The following CEP63 variants were observed in gnomAD, a reference collection of about 807,000 sequenced individuals.
CEP63 encodes the protein centrosomal protein of 63 kDa.
CEP63 carries 84 observed loss-of-function variants against 89.1 expected under a neutral mutation model. That is an observed-to-expected ratio of 0.94 (90% confidence interval 0.79 to 1.13). CEP63 has a LOEUF of 1.13. CEP63 is among the 50% of genes most tolerant of loss of function. CEP63 has a pLI of 0.00. For synonymous variants in CEP63, 267 were observed against 272.5 expected (o/e 0.98, Z 0.20); for missense variants, 838 against 813.3 (o/e 1.03, Z -0.37).
intron 2 of CEP63, among the ~76,000 whole-genome samples, chr3:134,499,014 C>T (rs1174671609): frequency 2.0e-5 from 3 of 152,054 alleles, no homozygotes; most frequent in Non-Finnish European, 2.9e-5. Flanking sequence ...TTGTTGTGTC[C>T]TTGTCTGCTT....
the CEP63 span, among the ~76,000 whole-genome samples, chr3:134,668,042 G>A: frequency 6.6e-6 from 1 of 152,200 alleles, no homozygotes; most frequent in African/African-American, 2.4e-5. Flanking sequence ...CCTGGGAGGG[G>A]ACTCCTTGGC....
chr3:134,603,940 C>T, the CEP63 span: 6 of 1,613,994 alleles, frequency 3.7e-6, no homozygotes, highest in Non-Finnish European at 5.1e-6. Flanking sequence ...TGGTTCCTGC[C>T]TCTTCTTGAC....
chr3:134,515,029 T>A (rs2108615881), intron 3 of CEP63, among the ~76,000 whole-genome samples: 1 of 152,294 alleles, frequency 6.6e-6, no homozygotes, highest in South Asian at 2.1e-4. Flanking sequence ...GGTAATTGCC[T>A]TTTGAGTTTA....
chr3:134,531,715 G>T (rs952106537), intron 3 of CEP63, 130 bp from the exon 4 acceptor site: 3 of 695,192 alleles, frequency 4.3e-6, no homozygotes, highest in Non-Finnish European at 7.6e-6. Context: ...AAGAAGTGGG[G>T]TATCACCATA....
chr3:134,733,325 A>G, the CEP63 span, among the ~76,000 whole-genome samples: 2 of 152,018 alleles, frequency 1.3e-5, no homozygotes, highest in East Asian at 3.9e-4. Context: ...TAAAATCTCA[A>G]ACCTGAGACA....
intron 11 of CEP63, among the ~76,000 whole-genome samples, 192 bp from the exon 12 acceptor site, chr3:134,551,724 CATATATATAT>C (rs71139540): frequency 0.013 from 1,094 of 81,530 alleles, 13 homozygotes; most frequent in African/African-American, 0.04. Context: ...TTAGAAAGTC[CATATATATAT>C]ATATATATAT....
chr3:134,599,073 C>T, the CEP63 span, among the ~76,000 whole-genome samples: 1 of 152,196 alleles, frequency 6.6e-6, no homozygotes, highest in Non-Finnish European at 1.5e-5. Flanking sequence ...CAGCAGGGCC[C>T]TTCAGATGTT....
At chr3:134,724,496 G>A in the CEP63 span, among the ~76,000 whole-genome samples, 2 of 152,306 alleles carry the variant, frequency 1.3e-5, no homozygotes, top group African/African-American at 2.4e-5. Flanking sequence ...TCTCAGCATC[G>A]TGACATGAAT....
the CEP63 span, among the ~76,000 whole-genome samples, chr3:134,729,823 C>T: frequency 6.6e-6 from 1 of 152,174 alleles, no homozygotes; most frequent in South Asian, 2.1e-4. Context: ...ACTGAAGGGG[C>T]AGGGCGGGTT....
chr3:134,697,870 G>C, the CEP63 span, among the ~76,000 whole-genome samples: 1 of 152,222 alleles, frequency 6.6e-6, no homozygotes, highest in Non-Finnish European at 1.5e-5. Flanking sequence ...AAATCAAGGA[G>C]TATGAAACTG....
At chr3:134,548,867 A>G (rs1332337159) in intron 9 of CEP63, among the ~76,000 whole-genome samples, 195 bp from the exon 10 acceptor site, 1 of 152,194 alleles carries the variant, frequency 6.6e-6, no homozygotes, top group Non-Finnish European at 1.5e-5. Context: ...ATTATTTTTG[A>G]CGTTGGGACA....
chr3:134,633,023 C>G, the CEP63 span, among the ~76,000 whole-genome samples: 12 of 151,824 alleles, frequency 7.9e-5, no homozygotes, highest in African/African-American at 2.4e-4. Flanking sequence ...TGAAATGGGC[C>G]AATTCCTTAA....
intron 3 of CEP63, among the ~76,000 whole-genome samples, chr3:134,528,792 C>T (rs1181744451): frequency 1.3e-5 from 2 of 152,128 alleles, no homozygotes; most frequent in Non-Finnish European, 2.9e-5. Flanking sequence ...ATTGCAGTTA[C>T]CCCTTCTACC....
At chr3:134,620,785 C>A in the CEP63 span, 1 of 1,613,776 alleles carries the variant, frequency 6.2e-7, no homozygotes, top group Non-Finnish European at 8.5e-7. Flanking sequence ...ATGGCGCGGA[C>A]CCTTTCCAGG....
the CEP63 span, among the ~76,000 whole-genome samples, chr3:134,753,343 C>A: frequency 3.9e-5 from 6 of 152,210 alleles, no homozygotes; most frequent in Non-Finnish European, 7.3e-5. Flanking sequence ...TCAGTGCCTG[C>A]CTCCATGGGG....
Position 134,586,170 on chromosome 3 carries a change from T to C in CEP63, c.1207-1288T>C, listed in dbSNP as rs578227126. 4.6e-5 allele frequency among the ~76,000 whole-genome samples: 7 copies of C among 152,324 alleles called. No homozygotes were observed. The East Asian group carries it at 9.6e-4, about 21-fold the overall frequency. On this transcript the variant is annotated intron_variant, in intron 10 of 10. Transcript: ENST00000683931. ...TAATTTTCCAGTCTGTGACTTTTAA[T>C]TGGGGCATTTAGCCCATTTACACTT...
At chr3:134,732,117 A>G in the CEP63 span, among the ~76,000 whole-genome samples, 57 of 152,342 alleles carry the variant, frequency 3.7e-4, no homozygotes, top group Non-Finnish European at 6.9e-4. Context: ...TAAAAAATGA[A>G]CAAGATATAC....
intron 1 of CEP63, among the ~76,000 whole-genome samples, chr3:134,494,962 G>A (rs1422973393): frequency 1.3e-5 from 2 of 152,084 alleles, no homozygotes; most frequent in African/African-American, 4.8e-5. Flanking sequence ...TTTTGTTAAG[G>A]GAGTTTGTGT....
chr3:134,614,532 C>G, the CEP63 span, among the ~76,000 whole-genome samples: 1 of 151,964 alleles, frequency 6.6e-6, no homozygotes, highest in African/African-American at 2.4e-5. Context: ...CTGCAAAGGA[C>G]CACATGGCCA....
Sources: gnomAD v4.1 joint callset for allele counts (sites outside exome capture counted in the v4.1 genomes callset) on GRCh38, gnomAD v4.1.1 for gene constraint, MANE v1.5 for transcripts, NCBI Gene and HGNC (gene_info 2026-07-23, HGNC 2026-07-21) for gene names.